The following KIAA1671 variants were observed in gnomAD, a reference collection of about 807,000 sequenced individuals.
KIAA1671 encodes KIAA1671.
KIAA1671 carries 52 observed loss-of-function variants against 131.2 expected under a neutral mutation model. That is an observed-to-expected ratio of 0.40 (90% CI 0.32 to 0.50). The LOEUF is 0.50. KIAA1671 is among the 20% of genes least tolerant of loss of function. The pLI is 0.73. For missense variants in KIAA1671, 2,360 were observed against 2,364.2 expected (o/e 1.00, Z 0.04); for synonymous variants, 1,003 against 961.6 (o/e 1.04, Z -0.80).
chr22:25,070,334 T>G (rs1928752616), intron 6 of KIAA1671: 1 of 436,288 alleles, frequency 2.3e-6, no homozygotes, highest in African/African-American at 2.0e-5. Flanking sequence ...GAAACCGTAC[T>G]GTGCTCACCA....
chr22:25,068,929 C>T (rs150096216), intron 6 of KIAA1671, among the ~76,000 whole-genome samples: 46 of 152,348 alleles, frequency 3.0e-4, no homozygotes, highest in Non-Finnish European at 4.1e-4. Flanking sequence ...CCTCCCCCGC[C>T]TCAGTTTTCC....
intron 6 of KIAA1671, among the ~76,000 whole-genome samples, chr22:25,094,843 G>A (rs2145886605): frequency 6.6e-6 from 1 of 152,212 alleles, no homozygotes; most frequent in South Asian, 2.1e-4. Flanking sequence ...GGAGCATCAG[G>A]AAGCCAGCCC....
intron 6 of KIAA1671, chr22:25,053,429 C>G (rs1319363131): frequency 6.6e-6 from 1 of 152,208 alleles, no homozygotes; most frequent in Non-Finnish European, 1.5e-5. Context: ...ACCCTGGAGG[C>G]CCATCTTGTG....
Position 25,021,111 on chromosome 22 carries a change from C to T in KIAA1671, c.-207-4522C>T, listed in dbSNP as rs1028489070. 3.3e-5 allele frequency among the ~76,000 whole-genome samples: 5 copies of T among 152,096 alleles called. No homozygotes were observed. The South Asian group carries it at 8.3e-4, about 25-fold the overall frequency. ...ACAGGGTCTGGCTTTGTCATACAGG[C>T]GGGAGGGCTGTGATGTGATCTTGGC... On this transcript the variant is annotated intron_variant, in intron 1 of 12. Transcript: ENST00000358431.
chr22:24,983,697 C>T (rs1027384547), intron 1 of KIAA1671, among the ~76,000 whole-genome samples: 1 of 125,698 alleles, frequency 8.0e-6, no homozygotes, highest in Non-Finnish European at 1.6e-5. Flanking sequence ...GGCACAGAGG[C>T]CTGTGTGACT....
intron 6 of KIAA1671, among the ~76,000 whole-genome samples, chr22:25,141,027 G>T (rs1469345950): frequency 1.3e-5 from 2 of 152,142 alleles, no homozygotes; most frequent in Middle Eastern, 6.3e-3. Context: ...GCCCTCATAA[G>T]ACTGTAAAAC....
intron 1 of KIAA1671, among the ~76,000 whole-genome samples, chr22:25,019,930 T>C (rs946288476): frequency 5.3e-5 from 8 of 152,198 alleles, no homozygotes; most frequent in Non-Finnish European, 1.2e-4. Flanking sequence ...TTCCCATGCT[T>C]GTAAGTCCTG....
intron 4 of KIAA1671, among the ~76,000 whole-genome samples, chr22:25,036,093 T>A (rs902248757): frequency 3.3e-5 from 5 of 152,106 alleles, no homozygotes; most frequent in South Asian, 4.1e-4. Context: ...TTATTTATTT[T>A]TTTAGAGATG....
At chr22:24,961,687 T>C (rs1922026396) in intron 1 of KIAA1671, among the ~76,000 whole-genome samples, 1 of 152,232 alleles carries the variant, frequency 6.6e-6, no homozygotes, top group Admixed American at 6.5e-5. Context: ...TCTCATGCTA[T>C]AGGCTGAAGC....
At chr22:25,045,007 A>C (rs1927145718) in intron 5 of KIAA1671, among the ~76,000 whole-genome samples, 1 of 152,048 alleles carries the variant, frequency 6.6e-6, no homozygotes, top group Non-Finnish European at 1.5e-5. Context: ...AAAACTACAA[A>C]AAAATTAGCC....
chr22:25,053,455 A>G (rs369312997), intron 6 of KIAA1671: 155 of 152,320 alleles, frequency 1.0e-3, no homozygotes, highest in African/African-American at 3.5e-3. Flanking sequence ...GAAGTCAGAG[A>G]TTCATCAGCT....
At chr22:25,093,602 G>A (rs111597543) in intron 6 of KIAA1671, among the ~76,000 whole-genome samples, 5 of 151,726 alleles carry the variant, frequency 3.3e-5, no homozygotes, top group African/African-American at 9.7e-5. Flanking sequence ...GGTGGGGAGC[G>A]GGGAGGCAGT....
chr22:25,114,568 T>C (rs1201974148), intron 6 of KIAA1671, among the ~76,000 whole-genome samples: 1 of 152,228 alleles, frequency 6.6e-6, no homozygotes, highest in African/African-American at 2.4e-5. Context: ...TTGGACAGAC[T>C]CCTTCCCTCT....
At position 24,952,828 on chromosome 22, in the gene KIAA1671, G is replaced by A. The variant is rs1011223000; in HGVS notation, c.-208+56G>A. The A allele has an allele frequency of 1.3e-5, 2 of 152,258 alleles. No individual in the cohort carries two copies. The highest frequency in any genetic ancestry group is 4.8e-5 in the African/African-American group (2 of 41,452). The allele number at this position is 152,258 out of a possible 1,614,324, so 9.4% of individuals were successfully genotyped here. ...GGCCGGCTGGCCGCCTCCTGTCCCC[G>A]GCCGACGAGGTAGCTGGGGGTGACG... On this transcript the variant is annotated intron_variant, in intron 1 of 12. Coordinates refer to ENST00000358431, the MANE Select transcript of KIAA1671 (RefSeq NM_001145206.2). This position sits in a 1 kb window ranked among gnomAD's most constrained non-coding sequence, Gnocchi z 4.5.
At chr22:25,089,081 T>C (rs1418056879) in intron 6 of KIAA1671, among the ~76,000 whole-genome samples, 1 of 152,198 alleles carries the variant, frequency 6.6e-6, no homozygotes, top group Non-Finnish European at 1.5e-5. Context: ...ACTTAGTGTT[T>C]ACATTGTGTT....
intron 6 of KIAA1671, among the ~76,000 whole-genome samples, chr22:25,126,668 A>G (rs1348219734): frequency 6.6e-6 from 1 of 152,176 alleles, no homozygotes; most frequent in Non-Finnish European, 1.5e-5. Flanking sequence ...CAGCTGAGGA[A>G]GCCAAGGCCC....
intron 6 of KIAA1671, among the ~76,000 whole-genome samples, chr22:25,100,226 C>G (rs1930594266): frequency 6.6e-6 from 1 of 152,174 alleles, no homozygotes; most frequent in Admixed American, 6.5e-5. Context: ...CCCTCTGAGG[C>G]CACCCAGACC....
At chr22:25,140,286 C>T (rs567844239) in intron 6 of KIAA1671, among the ~76,000 whole-genome samples, 2 of 152,368 alleles carry the variant, frequency 1.3e-5, no homozygotes, top group East Asian at 1.9e-4. Context: ...TTCCTTGCCA[C>T]ATGGGCTTTC....
At position 25,025,784 on chromosome 22, in the gene KIAA1671, G is replaced by A. The variant is rs1168097933; in HGVS notation, c.-56G>A. 2 of 152,248 alleles carry A rather than the reference G, an allele frequency of 1.3e-5. No homozygotes were observed. Among genetic ancestry groups the A allele is most frequent in the African/African-American group, 4.8e-5 (2 of 41,446 alleles). The allele number at this position is 152,248 out of a possible 1,614,324, so 9.4% of individuals were successfully genotyped here. A position where few individuals can be genotyped will look rare whatever the true frequency, so the allele number is the denominator to read the frequency against. On this transcript the variant is annotated splice_region_variant and 5_prime_UTR_variant, in exon 2 of 13. It introduces an in-frame stop codon into an upstream open reading frame of the 5' UTR. Coordinates refer to ENST00000358431, the MANE Select transcript of KIAA1671 (RefSeq NM_001145206.2). ...CCCTGACCCAGGGCCTGCCAGCTTG[G>A]GTAAGTGGGGCCCATGCTTGACCCA...
Sources: gnomAD v4.1 joint callset for allele counts (sites outside exome capture counted in the v4.1 genomes callset) on GRCh38, gnomAD v4.1.1 for gene constraint, Gnocchi (gnomAD v3.1) non-coding constraint, MANE v1.5 for transcripts, NCBI Gene and HGNC (gene_info 2026-07-23, HGNC 2026-07-21) for gene names.